The following ABLIM2 variants were observed in gnomAD, a reference collection of about 807,000 sequenced individuals.
ABLIM2 encodes the protein actin-binding LIM protein 2.
In ABLIM2, 53 loss-of-function variants were observed where a neutral mutation model predicts 97.7. The ratio of observed to expected loss-of-function variants is 0.54; its 90% CI spans 0.44 to 0.68. The LOEUF is 0.68. ABLIM2 is among the 30% of genes least tolerant of loss of function. The probability of loss-of-function intolerance (pLI) is 0.00; values close to 1 mark genes in which losing one functional copy is unlikely to be tolerated. For missense variants in ABLIM2, 835 were observed against 867.2 expected, an observed-to-expected ratio of 0.96 and a Z score of 0.47; for synonymous variants, 361 against 345.8, an observed-to-expected ratio of 1.04 and a Z score of -0.49.
At chr4:8,014,340 T>C (rs974545277) in intron 14 of ABLIM2, among the ~76,000 whole-genome samples, 11 of 152,270 alleles carry the variant, frequency 7.2e-5, no homozygotes, top group Admixed American at 6.5e-4. Context: ...TGTCCCCTCC[T>C]ACGTCTTCCA....
Position 8,004,894 on chromosome 4 carries a change from C to T in ABLIM2, c.1618+3165G>A, listed in dbSNP as rs957001788. 6.6e-6 allele frequency among the ~76,000 whole-genome samples: 1 copy of T among 152,168 alleles called. No homozygotes were observed. Among genetic ancestry groups the T allele is most frequent in the Non-Finnish European group, 1.5e-5 (1 of 68,022 alleles). ...TATGACGCCCTCTTTGGAGGGGTGG[C>T]AATGCCTGCTGGGAACTAATGGAAT... On this transcript the variant is annotated intron_variant, in intron 16 of 20. Coordinates refer to ENST00000447017, the MANE Select transcript of ABLIM2 (RefSeq NM_001130083.2). This position sits in a 1 kb window ranked among gnomAD's most constrained non-coding sequence, Gnocchi z 5.9.
chr4:8,036,491 C>T (rs542841978), intron 9 of ABLIM2, among the ~76,000 whole-genome samples, 196 bp from the exon 10 acceptor site: 9 of 152,176 alleles, frequency 5.9e-5, no homozygotes, highest in African/African-American at 1.4e-4. Flanking sequence ...CTCCAGCAGC[C>T]GTGAAGAGGG....
intron 9 of ABLIM2, among the ~76,000 whole-genome samples, chr4:8,042,528 C>T (rs745418184): frequency 2.0e-5 from 3 of 152,126 alleles, no homozygotes; most frequent in Non-Finnish European, 4.4e-5. Context: ...ACATGGCCAC[C>T]CAGTTATCAT....
At chr4:8,088,672 G>C (rs1296466858) in intron 3 of ABLIM2, among the ~76,000 whole-genome samples, 2 of 152,254 alleles carry the variant, frequency 1.3e-5, no homozygotes, top group African/African-American at 4.8e-5. Flanking sequence ...CAGCTCAGCA[G>C]CAAGGACAGC....
At chr4:8,035,262 C>T (rs1783865776) in intron 10 of ABLIM2, among the ~76,000 whole-genome samples, 1 of 152,104 alleles carries the variant, frequency 6.6e-6, no homozygotes, top group East Asian at 1.9e-4. Context: ...TCTTCTCACC[C>T]TCCCTGCACA....
At chr4:7,987,695 T>G (rs1386686863) in intron 17 of ABLIM2, among the ~76,000 whole-genome samples, 2 of 152,168 alleles carry the variant, frequency 1.3e-5, no homozygotes, top group Non-Finnish European at 2.9e-5. Context: ...TTCCAGGATC[T>G]GAGATAAGGT....
intron 4 of ABLIM2, among the ~76,000 whole-genome samples, chr4:8,084,040 A>T (rs1372886573): frequency 6.6e-6 from 1 of 151,620 alleles, no homozygotes; most frequent in Non-Finnish European, 1.5e-5. Context: ...GGGTCAGGGG[A>T]GTAGGGGGGA....
intron 2 of ABLIM2, among the ~76,000 whole-genome samples, chr4:8,103,270 T>C (rs191315617): frequency 2.9e-4 from 44 of 152,350 alleles, no homozygotes; most frequent in African/African-American, 8.2e-4. Context: ...CCTCAATGAT[T>C]CATACGCTGC....
At chr4:8,134,011 G>C (rs915325246) in intron 1 of ABLIM2, among the ~76,000 whole-genome samples, 2 of 152,228 alleles carry the variant, frequency 1.3e-5, no homozygotes, top group African/African-American at 4.8e-5. Context: ...ACAGTGAACA[G>C]CGAGGTGAGT....
intron 1 of ABLIM2, among the ~76,000 whole-genome samples, chr4:8,156,746 G>T (rs73799612): frequency 6.6e-6 from 1 of 152,350 alleles, no homozygotes; most frequent in African/African-American, 2.4e-5. Flanking sequence ...ACCTGCCCTT[G>T]TTGCCCTTGT....
rs1186809506 is a variant in ABLIM2 at position 8,032,689 on chromosome 4, A to G, written c.1048-2913T>C. ...GAGAGCAACTGAGGGGACTGTGGAC[A>G]CAACACACAAAGTGGCCATTAGTGC... On this transcript the variant is annotated intron_variant, in intron 10 of 20. Transcript: ENST00000447017. This position sits in a 1 kb window ranked among gnomAD's most constrained non-coding sequence, Gnocchi z 4.3. 6.2e-6 allele frequency: 10 copies of G among 1,612,522 alleles called. No homozygotes were observed. The highest frequency in any genetic ancestry group is 8.5e-6 in the Non-Finnish European group (10 of 1,179,802).
Position 8,001,141 on chromosome 4 carries a change from C to G in ABLIM2, c.1618+6918G>C, listed in dbSNP as rs1038599819. Among the ~76,000 whole-genome samples, 12 of 152,204 alleles carry G rather than the reference C, an allele frequency of 7.9e-5. No homozygotes were observed. Among genetic ancestry groups the G allele is most frequent in the African/African-American group, 2.9e-4 (12 of 41,454 alleles). ...TCTGAGGAAGACGGGCACCCCTCATCCCTGAGCAGCGGTGAATGAAATGCT... is the reference window on the plus strand; with the variant it reads ...TCTGAGGAAGACGGGCACCCCTCATGCCTGAGCAGCGGTGAATGAAATGCT... On this transcript the variant is annotated intron_variant, in intron 16 of 20. Coordinates refer to ENST00000447017, the MANE Select transcript of ABLIM2 (RefSeq NM_001130083.2). This position sits in a 1 kb window ranked among gnomAD's most constrained non-coding sequence, Gnocchi z 4.2.
intron 1 of ABLIM2, among the ~76,000 whole-genome samples, chr4:8,153,184 C>T (rs771006477): frequency 3.3e-5 from 5 of 152,150 alleles, no homozygotes; most frequent in East Asian, 1.9e-4. Context: ...AGAGGTCTCC[C>T]GTGACCCAGA....
At chr4:8,020,807 G>A in intron 12 of ABLIM2, 1 of 160,054 alleles carries the variant, frequency 6.2e-6, no homozygotes, top group Non-Finnish European at 1.3e-5. Flanking sequence ...GCCAGCTGCA[G>A]AAGATAAGAA....
chr4:8,143,369 G>A lies in ABLIM2; in HGVS notation c.10+15311C>T, dbSNP rs557525822. Among the ~76,000 whole-genome samples, 7 of 152,258 alleles carry A rather than the reference G, an allele frequency of 4.6e-5. No homozygotes were observed. In the East Asian group the frequency reaches 9.7e-4, roughly 21 times the overall value. On this transcript the variant is annotated intron_variant, in intron 1 of 20. Coordinates refer to ENST00000447017, the MANE Select transcript of ABLIM2 (RefSeq NM_001130083.2). ...CACGTACTACCAGCCAGGTGCTATG[G>A]GAGGTACCGGAGGACCACGGTGCAC...
At chr4:8,053,132 C>A (rs1427576681) in intron 8 of ABLIM2, among the ~76,000 whole-genome samples, 1 of 152,218 alleles carries the variant, frequency 6.6e-6, no homozygotes, top group Non-Finnish European at 1.5e-5. Flanking sequence ...TTGGGGCCAA[C>A]CTGCCTCCCA....
chr4:8,142,904 G>C (rs1428786402), intron 1 of ABLIM2, among the ~76,000 whole-genome samples: 8 of 152,198 alleles, frequency 5.3e-5, no homozygotes, highest in African/African-American at 1.9e-4. Context: ...TCTGGGGAAG[G>C]TGGGAGGGCG....
chr4:7,985,867 G>A (rs1299624733), intron 17 of ABLIM2, among the ~76,000 whole-genome samples: 1 of 152,196 alleles, frequency 6.6e-6, no homozygotes, highest in Non-Finnish European at 1.5e-5. Context: ...TCATCGACAC[G>A]TCCTGCAAAC....
At chr4:8,145,380 C>G (rs1271708879) in intron 1 of ABLIM2, among the ~76,000 whole-genome samples, 3 of 151,990 alleles carry the variant, frequency 2.0e-5, no homozygotes, top group Non-Finnish European at 4.4e-5. Context: ...GGCGGGGTTT[C>G]TCCATGTTGG....
Sources: gnomAD v4.1 joint callset for allele counts (sites outside exome capture counted in the v4.1 genomes callset) on GRCh38, gnomAD v4.1.1 for gene constraint, Gnocchi (gnomAD v3.1) non-coding constraint, MANE v1.5 for transcripts, NCBI Gene and HGNC (gene_info 2026-07-23, HGNC 2026-07-21) for gene names.